UBE2D3: variants seen among roughly 807,000 people sequenced by gnomAD.
UBE2D3 encodes ubiquitin conjugating enzyme E2 D3.
Under a neutral mutation model 22.8 loss-of-function variants are expected in UBE2D3, and 2 were observed. The ratio of observed to expected loss-of-function variants is 0.09; its 90% CI spans 0.04 to 0.28. The LOEUF is 0.28. Among genes scored for constraint, UBE2D3 ranks in the 10% least tolerant of loss-of-function variants. UBE2D3 has a pLI of 1.00. For missense variants in UBE2D3, 27 were observed against 182.5 expected (o/e 0.15, Z 4.91); for synonymous variants, 56 against 60.4 (o/e 0.93, Z 0.34).
chr4:102,844,953 C>T lies in UBE2D3; in HGVS notation c.-128-18317G>A, dbSNP rs891394740. Among the ~76,000 whole-genome samples the T allele has an allele frequency of 2.8e-5, 4 of 142,034 alleles. No homozygotes were observed. The South Asian group carries it at 6.8e-4, about 24-fold the overall frequency. 93.2% of individuals were successfully genotyped at this position (142,034 alleles called of 152,430 possible). ...AGGAGAATGGCGTGAACCTGGGAGGCGGGGCTTGCAGTGAGCCGAGATCGC... is the reference window on the plus strand; with the variant it reads ...AGGAGAATGGCGTGAACCTGGGAGGTGGGGCTTGCAGTGAGCCGAGATCGC... On this transcript the variant is annotated intron_variant, in intron 1 of 7. Transcript: ENST00000338145.
chr4:102,844,292 G>T (rs1560887375), intron 1 of UBE2D3, among the ~76,000 whole-genome samples: 1 of 152,078 alleles, frequency 6.6e-6, no homozygotes, highest in Non-Finnish European at 1.5e-5. Context: ...TATATAGGCT[G>T]GTCTCAAACT....
intron 2 of UBE2D3, among the ~76,000 whole-genome samples, chr4:102,818,444 G>T (rs1299384370): frequency 2.0e-5 from 3 of 152,112 alleles, no homozygotes; most frequent in African/African-American, 4.8e-5. Context: ...TATAGGAAAA[G>T]AAGTCAAGGA....
chr4:102,853,947 A>G (rs1213891429), intron 1 of UBE2D3, among the ~76,000 whole-genome samples: 4 of 152,204 alleles, frequency 2.6e-5, no homozygotes, highest in Admixed American at 6.5e-5. Flanking sequence ...GTGTCTGTCC[A>G]TATTAGGCAC....
upstream of UBE2D3, among the ~76,000 whole-genome samples, chr4:102,830,276 T>C (rs1170905952): frequency 6.6e-6 from 1 of 152,240 alleles, no homozygotes; most frequent in Non-Finnish European, 1.5e-5. Context: ...TTCATTTAAC[T>C]TACTTGAATT....
intron 1 of UBE2D3, among the ~76,000 whole-genome samples, chr4:102,864,288 G>A (rs1017734254): frequency 1.5e-5 from 1 of 67,192 alleles, no homozygotes; most frequent in Non-Finnish European, 2.8e-5. Context: ...GTAGACAGTA[G>A]TAGTGTTTTG....
chr4:102,855,773 T>TCATC (rs890865937), intron 1 of UBE2D3, among the ~76,000 whole-genome samples: 1 of 152,152 alleles, frequency 6.6e-6, no homozygotes, highest in Non-Finnish European at 1.5e-5. Context: ...TACTAAGGAT[T>TCATC]CATCAGTCAA....
chr4:102,799,551 T>TA (rs1443412012), intron 6 of UBE2D3, 51 bp from the exon 7 acceptor site: 4 of 1,444,424 alleles, frequency 2.8e-6, no homozygotes, highest in Non-Finnish European at 3.8e-6. Context: ...TTTGGATAAA[T>TA]AAATTTTTCT....
At chr4:102,806,853 C>G (rs223420) in intron 4 of UBE2D3, among the ~76,000 whole-genome samples, 6 of 151,820 alleles carry the variant, frequency 4.0e-5, no homozygotes, top group African/African-American at 1.5e-4. Flanking sequence ...CCCAAAAAAA[C>G]CCACGCACAC....
chr4:102,817,075 G>T (rs150893), intron 2 of UBE2D3, among the ~76,000 whole-genome samples: 2 of 151,918 alleles, frequency 1.3e-5, no homozygotes, highest in Non-Finnish European at 2.9e-5. Flanking sequence ...CATTTACCAA[G>T]AACAAGGAGT....
intron 4 of UBE2D3, among the ~76,000 whole-genome samples, chr4:102,808,885 TATTA>T (rs1030456599): frequency 3.3e-5 from 5 of 152,172 alleles, no homozygotes; most frequent in Non-Finnish European, 5.9e-5. Flanking sequence ...GAATTCTAAA[TATTA>T]CTTACTGACC....
intron 1 of UBE2D3, among the ~76,000 whole-genome samples, chr4:102,837,353 C>A (rs982211500): frequency 1.3e-5 from 2 of 152,164 alleles, no homozygotes; most frequent in Non-Finnish European, 2.9e-5. Flanking sequence ...TCAAAACTCA[C>A]TTCCTAGTTA....
At chr4:102,827,606 G>A (rs927725348), upstream of UBE2D3, 2 of 986,880 alleles carry the variant, frequency 2.0e-6, no homozygotes, top group Middle Eastern at 5.2e-4. Context: ...TCACCGCCGC[G>A]GATCAGTCCG....
At chr4:102,816,320 C>G (rs192902429) in intron 2 of UBE2D3, among the ~76,000 whole-genome samples, 41 of 152,312 alleles carry the variant, frequency 2.7e-4, no homozygotes, top group Non-Finnish European at 5.0e-4. Context: ...CTTCTATAAT[C>G]AAGAGCTATA....
chr4:102,807,550 A>T (rs1727259220), intron 4 of UBE2D3, among the ~76,000 whole-genome samples: 1 of 152,216 alleles, frequency 6.6e-6, no homozygotes, highest in African/African-American at 2.4e-5. Flanking sequence ...AGTTGTGGTT[A>T]ATCAGGTTAA....
At chr4:102,816,183 G>A (rs941666135) in intron 2 of UBE2D3, among the ~76,000 whole-genome samples, 5 of 152,120 alleles carry the variant, frequency 3.3e-5, no homozygotes, top group African/African-American at 1.2e-4. Context: ...GTAGTCCTGG[G>A]TCAGCCATCA....
chr4:102,859,850 T>TC (rs1732795814), intron 1 of UBE2D3, among the ~76,000 whole-genome samples: 6 of 143,388 alleles, frequency 4.2e-5, no homozygotes, highest in African/African-American at 1.5e-4. Flanking sequence ...GAATTTGATT[T>TC]GTTTTTTTTT....
At chr4:102,840,962 G>A (rs1289116969) in intron 1 of UBE2D3, among the ~76,000 whole-genome samples, 2 of 151,726 alleles carry the variant, frequency 1.3e-5, no homozygotes, top group Non-Finnish European at 2.9e-5. Flanking sequence ...GGTTGCTGCA[G>A]TGAGCTGAGA....
intron 6 of UBE2D3, among the ~76,000 whole-genome samples, chr4:102,799,946 A>C (rs1351578004): frequency 6.6e-6 from 1 of 151,950 alleles, no homozygotes; most frequent in African/African-American, 2.4e-5. Flanking sequence ...TTCTGAGAAA[A>C]ACCCTCAAGT....
chr4:102,798,864 G>C, intron 7 of UBE2D3: 1 of 1,473,132 alleles, frequency 6.8e-7, no homozygotes, highest in Non-Finnish European at 9.5e-7. Flanking sequence ...GTGCCTTAAC[G>C]CATGCAGCAC....
Sources: gnomAD v4.1 joint callset for allele counts (sites outside exome capture counted in the v4.1 genomes callset) on GRCh38, gnomAD v4.1.1 for gene constraint, MANE v1.5 for transcripts, NCBI Gene and HGNC (gene_info 2026-07-23, HGNC 2026-07-21) for gene names.